EPHA6: variants seen among roughly 807,000 people sequenced by gnomAD.
EPHA6 encodes the protein ephrin type-A receptor 6.
In EPHA6, 50 loss-of-function variants were observed where a neutral mutation model predicts 112.0. The ratio of observed to expected loss-of-function variants is 0.45; its 90% CI spans 0.36 to 0.56. The LOEUF is 0.56. EPHA6 is among the 20% of genes least tolerant of loss of function. The probability of loss-of-function intolerance (pLI) is 0.00; values close to 1 mark genes in which losing one functional copy is unlikely to be tolerated. For missense variants in EPHA6, 1,280 were observed against 1,417.4 expected, an observed-to-expected ratio of 0.90 and a Z score of 1.56; for synonymous variants, 529 against 490.7, an observed-to-expected ratio of 1.08 and a Z score of -1.03.
At chr3:97,707,112 A>C (rs2033720842) in intron 14 of EPHA6, among the ~76,000 whole-genome samples, 1 of 152,148 alleles carries the variant, frequency 6.6e-6, no homozygotes, top group Non-Finnish European at 1.5e-5. Flanking sequence ...TCAAAGTCAT[A>C]ATGATGACTA....
At position 97,163,621 on chromosome 3, in the gene EPHA6, G is replaced by A. The variant is rs78115917; in HGVS notation, c.1115-62643G>A. Among the ~76,000 whole-genome samples, 1,039 of 152,188 alleles carry A rather than the reference G, an allele frequency of 6.8e-3. 14 individuals are homozygous for A. The highest frequency in any genetic ancestry group is 0.021 in the Admixed American group (315 of 15,282). The stretch of plus-strand genomic sequence containing the variant: ...GGATAGTGGTGATGGGTCCTGAGGA[G>A]GCTCAGCATAAACTTGCAAGGCAGC... On this transcript the variant is annotated intron_variant, in intron 3 of 17. Transcript: ENST00000389672.
chr3:96,949,290 A>G (rs2041425835), intron 2 of EPHA6, among the ~76,000 whole-genome samples: 1 of 152,164 alleles, frequency 6.6e-6, no homozygotes. Context: ...AAAAATAGCT[A>G]TTAGTAGCAA....
At chr3:96,873,665 C>T (rs1308862441) in intron 2 of EPHA6, among the ~76,000 whole-genome samples, 1 of 152,030 alleles carries the variant, frequency 6.6e-6, no homozygotes, top group African/African-American at 2.4e-5. Context: ...CTTTACATGA[C>T]ATTGTTGCTA....
chr3:97,347,957 T>TGACA (rs2083614639), intron 5 of EPHA6, among the ~76,000 whole-genome samples: 1 of 152,158 alleles, frequency 6.6e-6, no homozygotes, highest in Admixed American at 6.6e-5. Flanking sequence ...GAGTCTTATC[T>TGACA]GATTTTCTAA....
chr3:97,310,810 G>T (rs753029903), intron 5 of EPHA6, among the ~76,000 whole-genome samples: 1 of 151,654 alleles, frequency 6.6e-6, no homozygotes, highest in African/African-American at 2.4e-5. Flanking sequence ...AATATTAACT[G>T]TTTGTTATTC....
chr3:97,179,038 G>A (rs1230867610), intron 3 of EPHA6, among the ~76,000 whole-genome samples: 3 of 151,806 alleles, frequency 2.0e-5, no homozygotes, highest in African/African-American at 7.3e-5. Context: ...TTCTGTAGAT[G>A]GTCTTCATGG....
intron 1 of EPHA6, among the ~76,000 whole-genome samples, chr3:96,849,399 C>A: frequency 6.6e-6 from 1 of 152,090 alleles, no homozygotes; most frequent in South Asian, 2.1e-4. Flanking sequence ...TTCTAGAATT[C>A]TAAATAAATA....
intron 5 of EPHA6, among the ~76,000 whole-genome samples, chr3:97,328,467 A>T (rs1160108970): frequency 6.6e-6 from 1 of 151,968 alleles, no homozygotes; most frequent in African/African-American, 2.4e-5. Context: ...ACATAATTTC[A>T]TGTACCTATT....
At chr3:97,315,205 A>T (rs879570449) in intron 5 of EPHA6, among the ~76,000 whole-genome samples, 1 of 151,724 alleles carries the variant, frequency 6.6e-6, no homozygotes, top group Non-Finnish European at 1.5e-5. Flanking sequence ...ATAGGTTGCC[A>T]TCTAAGAAAC....
At chr3:97,417,952 C>A (rs901626364) in intron 6 of EPHA6, among the ~76,000 whole-genome samples, 2 of 151,854 alleles carry the variant, frequency 1.3e-5, no homozygotes, top group Admixed American at 1.3e-4. Flanking sequence ...CAGAAAAAAA[C>A]AAAACATGAG....
At chr3:97,574,921 A>T (rs2093368683) in intron 11 of EPHA6, among the ~76,000 whole-genome samples, 2 of 152,170 alleles carry the variant, frequency 1.3e-5, no homozygotes, top group South Asian at 4.1e-4. Flanking sequence ...TACTATATTC[A>T]CTATTTGGGT....
chr3:97,648,168 A>G (rs1165090664), intron 14 of EPHA6: 1 of 475,408 alleles, frequency 2.1e-6, no homozygotes, highest in Non-Finnish European at 3.7e-6. Context: ...TGTTTGTCTG[A>G]CAGCAGCAAT....
intron 3 of EPHA6, among the ~76,000 whole-genome samples, chr3:97,211,219 G>A (rs1423554352): frequency 6.6e-6 from 1 of 152,084 alleles, no homozygotes; most frequent in Non-Finnish European, 1.5e-5. Flanking sequence ...TATTGTTGGG[G>A]CATTTTTTTG....
At chr3:97,233,088 C>T (rs1027048007) in intron 4 of EPHA6, among the ~76,000 whole-genome samples, 2 of 151,992 alleles carry the variant, frequency 1.3e-5, no homozygotes, top group African/African-American at 2.4e-5. Flanking sequence ...TATTGGGAGA[C>T]CACTGTTCCC....
At chr3:97,681,283 T>A (rs2031841601) in intron 14 of EPHA6, among the ~76,000 whole-genome samples, 1 of 152,146 alleles carries the variant, frequency 6.6e-6, no homozygotes, top group Non-Finnish European at 1.5e-5. Flanking sequence ...GGTAAGAATA[T>A]AAATTGATAA....
At chr3:97,538,479 G>A (rs895289840) in intron 11 of EPHA6, among the ~76,000 whole-genome samples, 1 of 152,188 alleles carries the variant, frequency 6.6e-6, no homozygotes, top group African/African-American at 2.4e-5. Flanking sequence ...AAGACTTCCA[G>A]AATGTCCCTG....
chr3:97,479,252 A>G, intron 8 of EPHA6, 42 bp from the exon 9 acceptor site: 1 of 1,375,544 alleles, frequency 7.3e-7, no homozygotes, highest in African/African-American at 1.5e-5. Context: ...TGTATGCATC[A>G]TACTTCTTAA....
At chr3:96,953,620 T>C (rs2041640902) in intron 2 of EPHA6, among the ~76,000 whole-genome samples, 1 of 152,214 alleles carries the variant, frequency 6.6e-6, no homozygotes, top group Admixed American at 6.5e-5. Flanking sequence ...GGTATCTGTC[T>C]TTCAGACCCT....
intron 5 of EPHA6, among the ~76,000 whole-genome samples, chr3:97,251,504 G>A (rs1008622746): frequency 1.3e-5 from 2 of 151,796 alleles, no homozygotes; most frequent in Admixed American, 6.6e-5. Context: ...CACTCCAGCC[G>A]ACGACAGAGG....
Sources: allele counts gnomAD v4.1 joint callset (sites outside exome capture counted in the v4.1 genomes callset), GRCh38; gene constraint gnomAD v4.1.1; transcripts MANE v1.5; gene names NCBI Gene and HGNC (gene_info 2026-07-23, HGNC 2026-07-21).